The following PTPRK variants were observed in gnomAD, a reference collection of about 807,000 sequenced individuals.
PTPRK encodes receptor-type tyrosine-protein phosphatase kappa.
Under a neutral mutation model 178.0 loss-of-function variants are expected in PTPRK, and 75 were observed. That is an observed-to-expected ratio of 0.42 (90% CI 0.35 to 0.51). PTPRK has a LOEUF of 0.51. Among genes scored for constraint, PTPRK ranks in the 20% least tolerant of loss-of-function variants. PTPRK has a pLI of 0.02. For missense variants in PTPRK, 1,441 were observed against 1,797.8 expected (o/e 0.80, Z 3.59); for synonymous variants, 637 against 620.6 (o/e 1.03, Z -0.39).
intron 2 of PTPRK, among the ~76,000 whole-genome samples, chr6:128,375,058 C>CATCATCATTATT (rs374912859): frequency 2.3e-5 from 3 of 132,286 alleles, no homozygotes; most frequent in African/African-American, 8.3e-5. Context: ...AGAAACACTG[C>CATCATCATTATT]ATTATTATTA....
intron 2 of PTPRK, among the ~76,000 whole-genome samples, chr6:128,334,907 G>A (rs1388818487): frequency 6.6e-6 from 1 of 152,120 alleles, no homozygotes; most frequent in African/African-American, 2.4e-5. Flanking sequence ...GGCCAACATG[G>A]TGAAACCCTG....
intron 7 of PTPRK, among the ~76,000 whole-genome samples, chr6:128,144,137 ACTCACCCAGGTGGCC>A (rs563116976): frequency 4.9e-4 from 75 of 152,150 alleles, no homozygotes; most frequent in African/African-American, 1.8e-3. Flanking sequence ...CTCTTTCCTA[ACTCACCCAGGTGGCC>A]CTCTTCCCTT....
intron 2 of PTPRK, among the ~76,000 whole-genome samples, chr6:128,354,187 C>CTCTAGCATT (rs1317247524): frequency 6.8e-6 from 1 of 146,676 alleles, no homozygotes; most frequent in Non-Finnish European, 1.5e-5. Context: ...TGGGATAAGC[C>CTCTAGCATT]TCTAGCATTT....
At chr6:127,999,822 T>G (rs1007799912) in intron 15 of PTPRK, 5 of 359,842 alleles carry the variant, frequency 1.4e-5, no homozygotes, top group African/African-American at 1.1e-4. Flanking sequence ...TGCATAACAG[T>G]AACTCAATAA....
At chr6:128,271,758 T>C (rs1039429510) in intron 3 of PTPRK, among the ~76,000 whole-genome samples, 9 of 151,886 alleles carry the variant, frequency 5.9e-5, no homozygotes, top group South Asian at 4.2e-4. Context: ...TCCAAGACTA[T>C]AGATGCATAA....
intron 1 of PTPRK, among the ~76,000 whole-genome samples, chr6:128,484,554 T>C (rs1019647397): frequency 1.3e-5 from 2 of 152,196 alleles, no homozygotes; most frequent in Non-Finnish European, 2.9e-5. Context: ...TATCAAGTGA[T>C]AATACTTACA....
intron 1 of PTPRK, among the ~76,000 whole-genome samples, chr6:128,437,724 A>T (rs767295779): frequency 6.6e-6 from 1 of 152,218 alleles, no homozygotes; most frequent in Non-Finnish European, 1.5e-5. Context: ...TAGCAGGCAG[A>T]GAAATAATGA....
intron 1 of PTPRK, among the ~76,000 whole-genome samples, chr6:128,398,740 G>C (rs1170201205): frequency 6.6e-6 from 1 of 152,004 alleles, no homozygotes; most frequent in African/African-American, 2.4e-5. Flanking sequence ...AAAGGTTGGG[G>C]GTGACTCAAG....
chr6:128,303,853 G>A (rs776818574), intron 3 of PTPRK, among the ~76,000 whole-genome samples: 12 of 152,088 alleles, frequency 7.9e-5, no homozygotes, highest in Non-Finnish European at 1.6e-4. Flanking sequence ...GCAGTTCCAA[G>A]GGCTGATTAT....
At chr6:127,981,372 C>T (rs979503571) in intron 24 of PTPRK, 83 bp from the exon 25 acceptor site, 1 of 1,244,100 alleles carries the variant, frequency 8.0e-7, no homozygotes, top group Non-Finnish European at 1.1e-6. Context: ...ATTTAGAAGG[C>T]CAAGTAGAAA....
chr6:128,021,238 C>T (rs1335570844), intron 13 of PTPRK, among the ~76,000 whole-genome samples: 1 of 152,168 alleles, frequency 6.6e-6, no homozygotes, highest in East Asian at 1.9e-4. Context: ...CTAACAAACA[C>T]ACCCAAAATA....
rs538718160 is a variant in PTPRK, at chr6:128,237,828, AT to A, written c.693+2206del. Among the ~76,000 whole-genome samples, 427 of 139,450 alleles carry A rather than the reference AT, an allele frequency of 3.1e-3. 1 individual carries two copies. The highest frequency in any genetic ancestry group is 0.014 in the African/African-American group (414 of 30,268). The allele number at this position is 139,450 out of a possible 152,430, so 91.5% of individuals were successfully genotyped here. A position where few individuals can be genotyped will look rare whatever the true frequency, so the allele number is the denominator to read the frequency against. On this transcript the variant is annotated intron_variant, in intron 5 of 29. Transcript: ENST00000368226. ...GAACCAGAATTCTTCCTGCTTTATT[AT>A]GTTTTTTTTTACTTTTGGCAAAAGT...
At chr6:128,072,781 T>C (rs1050603565) in intron 11 of PTPRK, among the ~76,000 whole-genome samples, 13 of 152,048 alleles carry the variant, frequency 8.5e-5, no homozygotes, top group African/African-American at 3.1e-4. Flanking sequence ...CATTCCTCAG[T>C]ACTCTGTCTT....
At chr6:127,979,119 A>AT (rs1421728209) in intron 25 of PTPRK, among the ~76,000 whole-genome samples, 1 of 150,624 alleles carries the variant, frequency 6.6e-6, no homozygotes, top group African/African-American at 2.5e-5. Context: ...AAAAATAATA[A>AT]AAAAAAAATT....
chr6:128,408,485 A>T (rs548565212), intron 1 of PTPRK, among the ~76,000 whole-genome samples: 1 of 152,346 alleles, frequency 6.6e-6, no homozygotes, highest in East Asian at 1.9e-4. Context: ...TGCAACAAAA[A>T]TGAAGAGTTT....
At chr6:128,331,121 T>C (rs1246020189) in intron 2 of PTPRK, among the ~76,000 whole-genome samples, 2 of 152,216 alleles carry the variant, frequency 1.3e-5, no homozygotes. Flanking sequence ...GTTTACTTAA[T>C]TGAAAAACTC....
chr6:127,981,540 T>C (rs887521072), intron 24 of PTPRK, among the ~76,000 whole-genome samples: 1 of 152,202 alleles, frequency 6.6e-6, no homozygotes, highest in Non-Finnish European at 1.5e-5. Flanking sequence ...ACAACACTGC[T>C]ACCTGCAAAA....
intron 11 of PTPRK, among the ~76,000 whole-genome samples, chr6:128,072,032 A>T (rs377275636): frequency 6.6e-6 from 1 of 152,182 alleles, no homozygotes; most frequent in East Asian, 1.9e-4. Context: ...ACCTAATGGA[A>T]CTAAACTCTA....
At chr6:128,257,178 C>T (rs1337355658) in intron 3 of PTPRK, among the ~76,000 whole-genome samples, 1 of 151,144 alleles carries the variant, frequency 6.6e-6, no homozygotes, top group African/African-American at 2.4e-5. Flanking sequence ...TGTGGTGAGC[C>T]CAGATCACGC....
Sources: allele counts gnomAD v4.1 joint callset (sites outside exome capture counted in the v4.1 genomes callset), GRCh38; gene constraint gnomAD v4.1.1; transcripts MANE v1.5; gene names NCBI Gene and HGNC (gene_info 2026-07-23, HGNC 2026-07-21).